Variants in CELSR1 observed in about 807,000 individuals in gnomAD.
CELSR1 encodes adhesion G protein-coupled receptor C1.
A neutral mutation model predicts 249.1 loss-of-function variants in CELSR1; 110 were observed. That is an observed-to-expected ratio of 0.44 (90% CI 0.38 to 0.52). CELSR1 has a LOEUF of 0.52. Among genes scored for constraint, CELSR1 ranks in the 20% least tolerant of loss-of-function variants. CELSR1 has a pLI of 0.00. For synonymous variants in CELSR1, 2,113 were observed against 1,900.0 expected, an observed-to-expected ratio of 1.11 and a Z score of -2.92; for missense variants, 4,109 against 4,296.4, an observed-to-expected ratio of 0.96 and a Z score of 1.22.
In CELSR1 at chr22:46,389,483, C is replaced by A. The variant is rs765148329; in HGVS notation, c.6362G>T (p.Arg2121Leu). The A allele has an allele frequency of 6.2e-7, 1 of 1,613,278 alleles. No homozygotes were observed. Among genetic ancestry groups the A allele is most frequent in the Middle Eastern group, 1.6e-4 (1 of 6,062 alleles). The stretch of plus-strand genomic sequence containing the variant: ...GGCGCCGTCCACCTGCGTCTCATTG[C>A]GGCTCAGCTTCTCATTCTGGAACAG... Reference protein sequence around the residue: ...DLRAMNEKLSRNETQVDGARA... With the variant: ...DLRAMNEKLSLNETQVDGARA... Residue 2121 changes from arginine (R) to leucine (L), a missense_variant, in exon 18 of 35, where the codon CGC becomes CTC. Physicochemically the swap from Arg to Leu is moderately radical, Grantham distance 102. This residue lies in a region of CELSR1 where 1,805 missense variants were observed against 1,831.6 expected (regional missense o/e 0.99). Coordinates refer to ENST00000674500, the MANE Select transcript of CELSR1 (RefSeq NM_001378328.1).
rs560096352 is a variant in CELSR1, at chr22:46,416,779, G to T, written c.4612-5020C>A. ...TCCTTCGAGGTATTTTCTTCCCTGC[G>T]TGCAGGCCCTCCTCCTTGGCTTCCA... On this transcript the variant is annotated intron_variant, in intron 5 of 34. Coordinates refer to ENST00000674500, the MANE Select transcript of CELSR1 (RefSeq NM_001378328.1). Among the ~76,000 whole-genome samples the T allele has an allele frequency of 7.2e-5, 11 of 152,214 alleles. No homozygotes were observed. In the East Asian group the frequency reaches 1.5e-3, roughly 21 times the overall value.
chr22:46,444,885 C>T (rs753501532), intron 2 of CELSR1, among the ~76,000 whole-genome samples: 63 of 152,304 alleles, frequency 4.1e-4, no homozygotes, highest in Non-Finnish European at 5.6e-4. Context: ...CTCACAAGGC[C>T]GTCAAATCTC....
intron 30 of CELSR1, 108 bp from the exon 31 acceptor site, chr22:46,365,797 A>G (rs2078763595): frequency 1.8e-6 from 1 of 558,474 alleles, no homozygotes; most frequent in Non-Finnish European, 2.7e-6. Context: ...GTTCCCAACA[A>G]CAGCACAGAC....
intron 1 of CELSR1, among the ~76,000 whole-genome samples, chr22:46,524,464 C>T (rs954175724): frequency 2.0e-4 from 30 of 152,204 alleles, no homozygotes; most frequent in African/African-American, 6.0e-4. Context: ...GGGGCGAAGT[C>T]GGTGTGTCGG....
chr22:46,416,899 C>G (rs1438010245), intron 5 of CELSR1, among the ~76,000 whole-genome samples: 1 of 147,674 alleles, frequency 6.8e-6, no homozygotes, highest in African/African-American at 2.5e-5. Context: ...TTTTAACCTG[C>G]TGCAGACGAT....
intron 1 of CELSR1, among the ~76,000 whole-genome samples, chr22:46,513,240 C>T (rs1160326348): frequency 2.0e-5 from 3 of 152,198 alleles, no homozygotes; most frequent in Non-Finnish European, 4.4e-5. Context: ...CGGTATCCAA[C>T]TACGGCCTTT....
At chr22:46,373,742 G>A (rs2078887155) in intron 24 of CELSR1, among the ~76,000 whole-genome samples, 2 of 151,830 alleles carry the variant, frequency 1.3e-5, no homozygotes, top group South Asian at 4.2e-4. Flanking sequence ...GGAGCAATAG[G>A]AGCAATGGGA....
chr22:46,516,886 C>T (rs962049161), intron 1 of CELSR1, among the ~76,000 whole-genome samples: 5 of 152,348 alleles, frequency 3.3e-5, no homozygotes, highest in Non-Finnish European at 7.3e-5. Context: ...CCTCCCTCCC[C>T]GTTTCCCACT....
At chr22:46,432,698 A>T (rs781322041) in intron 5 of CELSR1, among the ~76,000 whole-genome samples, 1 of 152,222 alleles carries the variant, frequency 6.6e-6, no homozygotes, top group Non-Finnish European at 1.5e-5. Flanking sequence ...CTGGCTCGCC[A>T]GTTACATCCA....
At chr22:46,510,373 C>A (rs2080560667) in intron 1 of CELSR1, among the ~76,000 whole-genome samples, 1 of 152,114 alleles carries the variant, frequency 6.6e-6, no homozygotes, top group Non-Finnish European at 1.5e-5. Context: ...GAACGCACCC[C>A]CTTCCCGGAG....
intron 1 of CELSR1, among the ~76,000 whole-genome samples, chr22:46,486,911 C>G (rs2080318495): frequency 6.6e-6 from 1 of 152,102 alleles, no homozygotes; most frequent in Admixed American, 6.6e-5. Flanking sequence ...TGAAATGCCT[C>G]CAGGCCCATA....
intron 5 of CELSR1, among the ~76,000 whole-genome samples, chr22:46,416,441 G>A (rs930078018): frequency 2.6e-5 from 4 of 151,684 alleles, no homozygotes; most frequent in African/African-American, 9.7e-5. Flanking sequence ...TCGCTTCCAG[G>A]ACATAAAGCT....
At chr22:46,474,505 C>T (rs750040569) in intron 1 of CELSR1, among the ~76,000 whole-genome samples, 7 of 152,144 alleles carry the variant, frequency 4.6e-5, no homozygotes, top group Non-Finnish European at 7.3e-5. Context: ...GTCCTGACCC[C>T]TAGACATTGT....
chr22:46,481,556 A>C, intron 1 of CELSR1: 1 of 1,150,748 alleles, frequency 8.7e-7, no homozygotes, highest in Non-Finnish European at 1.3e-6. Context: ...GCCTGGGCTT[A>C]AGCCAGAGGC....
chr22:46,378,510 G>GGA, intron 23 of CELSR1, 81 bp downstream of exon 23: 1 of 1,479,394 alleles, frequency 6.8e-7, no homozygotes, highest in Non-Finnish European at 9.1e-7. Context: ...GGCAGGTTTG[G>GGA]CGGGGAGGTG....
At chr22:46,478,755 T>C (rs1027796974) in intron 1 of CELSR1, among the ~76,000 whole-genome samples, 3 of 150,850 alleles carry the variant, frequency 2.0e-5, no homozygotes, top group East Asian at 2.0e-4. Context: ...GGTTTCACCA[T>C]GTTAGCCAGG....
intron 1 of CELSR1, among the ~76,000 whole-genome samples, chr22:46,470,830 G>T (rs2080148143): frequency 2.0e-5 from 3 of 152,092 alleles, no homozygotes; most frequent in South Asian, 4.1e-4. Flanking sequence ...ATGATGTTAG[G>T]TTACAAGAAA....
At position 46,536,474 on chromosome 22, in the gene CELSR1, C is replaced by G; in HGVS notation, c.697G>C (p.Ala233Pro). ...CCTCTGCCGCTCGTGCCCCGCCGGG[C>G]CCGTCGCGCCGGCCCCGCCCGGGCT... ...PEARAGPARR[A>P]RRGTSGRGSL... Residue 233 changes from alanine to proline, a missense_variant, in exon 1 of 35, where the codon GCC becomes CCC. This residue lies in a region of CELSR1 where 673 missense variants were observed against 636.8 expected (regional missense o/e 1.06). Transcript: ENST00000674500. 1 of 1,604,444 alleles carries G rather than the reference C, an allele frequency of 6.2e-7. No individual in the cohort carries two copies. Among genetic ancestry groups the G allele is most frequent in the Non-Finnish European group, 8.5e-7 (1 of 1,176,240 alleles).
In CELSR1 at chr22:46,362,697, C is replaced by T. The variant is rs970054894; in HGVS notation, c.*526G>A. On this transcript the variant is annotated 3_prime_UTR_variant, in exon 35 of 35. Coordinates refer to ENST00000674500, the MANE Select transcript of CELSR1 (RefSeq NM_001378328.1). Reference sequence around the variant, plus strand: ...GGTTGCACCTCCTCAGAGTCCCATACAAATATATAAAAGTATCTCCACCTT... The same window carrying T: ...GGTTGCACCTCCTCAGAGTCCCATATAAATATATAAAAGTATCTCCACCTT... 6.0e-6 allele frequency: 1 copy of T among 166,490 alleles called. No individual in the cohort carries two copies. The highest frequency in any genetic ancestry group is 1.3e-5 in the Non-Finnish European group (1 of 75,884). The allele number at this position is 166,490 out of a possible 1,614,324, so 10.3% of individuals were successfully genotyped here. A position where few individuals can be genotyped will look rare whatever the true frequency, so the allele number is the denominator to read the frequency against.
Sources: gnomAD v4.1 joint callset for allele counts (sites outside exome capture counted in the v4.1 genomes callset) on GRCh38, gnomAD v4.1.1 for gene constraint, gnomAD v4.1.1 regional missense constraint, MANE v1.5 for transcripts, NCBI Gene and HGNC (gene_info 2026-07-23, HGNC 2026-07-21) for gene names.